Variants in ZC3H14 observed in about 807,000 individuals in gnomAD.
The protein encoded by ZC3H14 is zinc finger CCCH domain-containing protein 14.
Under a neutral mutation model 92.4 loss-of-function variants are expected in ZC3H14, and 31 were observed. The ratio of observed to expected loss-of-function variants is 0.34; its 90% CI spans 0.25 to 0.45. ZC3H14 has a LOEUF of 0.45. ZC3H14 is among the 20% of genes least tolerant of loss of function. The probability of loss-of-function intolerance (pLI) is 1.00; values close to 1 mark genes in which losing one functional copy is unlikely to be tolerated. For synonymous variants in ZC3H14, 321 were observed against 300.9 expected (o/e 1.07, Z -0.69); for missense variants, 781 against 897.3 (o/e 0.87, Z 1.66).
chr14:88,584,276 T>C (rs2082237356), intron 9 of ZC3H14, among the ~76,000 whole-genome samples: 1 of 152,164 alleles, frequency 6.6e-6, no homozygotes, highest in South Asian at 2.1e-4. Flanking sequence ...ATAAATATAT[T>C]GGAAATATTT....
In ZC3H14 at chr14:88,624,643, C is replaced by A. The variant is rs2089635359; in HGVS notation, c.*12892C>A. 4.5e-6 allele frequency: 1 copy of A among 224,536 alleles called. No homozygotes were observed. Among genetic ancestry groups the A allele is most frequent in the Non-Finnish European group, 8.7e-6 (1 of 115,334 alleles). 13.9% of individuals were successfully genotyped at this position (224,536 alleles called of 1,614,324 possible). A position where few individuals can be genotyped will look rare whatever the true frequency, so the allele number is the denominator to read the frequency against. On this transcript the variant is annotated 3_prime_UTR_variant, in exon 17 of 17. Coordinates refer to ENST00000251038, the MANE Select transcript of ZC3H14 (RefSeq NM_024824.5). ...AGAGAGCAGGCAGTCAAAATACAACCCTGGCTCCAGATTCCCCCATGGGCC... is the reference window on the plus strand; with the variant it reads ...AGAGAGCAGGCAGTCAAAATACAACACTGGCTCCAGATTCCCCCATGGGCC...
chr14:88,580,241 G>A (rs1341174702), intron 9 of ZC3H14, among the ~76,000 whole-genome samples: 5 of 152,186 alleles, frequency 3.3e-5, no homozygotes, highest in Non-Finnish European at 7.4e-5. Flanking sequence ...GGAGGCTGAG[G>A]TTGCAGTGAG....
chr14:88,611,675 A>C, intron 16 of ZC3H14, 70 bp from the exon 17 acceptor site: 1 of 1,587,628 alleles, frequency 6.3e-7, no homozygotes, highest in Non-Finnish European at 8.6e-7. Flanking sequence ...TCAACTTTTT[A>C]AACTGAGATA....
At chr14:88,596,947 G>A in intron 10 of ZC3H14, 139 bp downstream of exon 10, 1 of 776,316 alleles carries the variant, frequency 1.3e-6, no homozygotes, top group Non-Finnish European at 2.2e-6. Context: ...ATATTTTAGG[G>A]CCAGGAGATA....
intron 3 of ZC3H14, among the ~76,000 whole-genome samples, chr14:88,569,440 C>T (rs1341764243): frequency 6.6e-6 from 1 of 152,094 alleles, no homozygotes; most frequent in Non-Finnish European, 1.5e-5. Context: ...TGCTTTTATA[C>T]ATAAATTACT....
At chr14:88,595,084 A>C (rs758807701) in intron 9 of ZC3H14, 1 of 1,612,486 alleles carries the variant, frequency 6.2e-7, no homozygotes, top group Non-Finnish European at 8.5e-7. Flanking sequence ...TGTAAAAATA[A>C]TCGGCTTCCT....
Position 88,623,570 on chromosome 14 carries a change from T to G in ZC3H14, c.*11819T>G, listed in dbSNP as rs1444723399. The G allele has an allele frequency of 6.6e-6, 1 of 151,888 alleles. No homozygotes were observed. Among genetic ancestry groups the G allele is most frequent in the African/African-American group, 2.4e-5 (1 of 41,298 alleles). 9.4% of individuals were successfully genotyped at this position (151,888 alleles called of 1,614,324 possible). On this transcript the variant is annotated 3_prime_UTR_variant, in exon 17 of 17. Transcript: ENST00000251038. The stretch of plus-strand genomic sequence containing the variant: ...CAAGTAGCTGGGATTACAGGCACCA[T>G]GCCTGGCTAATTTTTGTATTTTTAG...
intron 13 of ZC3H14, among the ~76,000 whole-genome samples, 181 bp downstream of exon 13, chr14:88,607,544 TTCACCCTGCAAGTACCATCCCCCATC>T (rs1566979123): frequency 4.2e-5 from 4 of 95,954 alleles, no homozygotes; most frequent in East Asian, 7.6e-4. Context: ...ACCATCCCAT[TTCACCCTGCAAGTACCATCCCCCATC>T]TCACCCTGCA....
rs1347058479 is a variant in ZC3H14 at position 88,578,023 on chromosome 14, C to G, written c.1162C>G (p.Arg388Gly). 6.2e-7 allele frequency: 1 copy of G among 1,614,088 alleles called. No homozygotes were observed. The highest frequency in any genetic ancestry group is 8.5e-7 in the Non-Finnish European group (1 of 1,180,022). ...KQTLPVAPRT[R>G]TSQEELLAEV... ...GACACTTCCAGTTGCTCCCAGAACT[C>G]GAACTTCTCAAGAAGAATTGCTAGC... The change falls in exon 9 of 17, where the codon CGA becomes GGA. Residue 388 changes from arginine to glycine, a missense_variant. Physicochemically the swap from Arg to Gly is moderately radical, Grantham distance 125. Transcript: ENST00000251038.
intron 9 of ZC3H14, chr14:88,595,021 A>C (rs757433002): frequency 6.2e-6 from 10 of 1,613,642 alleles, no homozygotes; most frequent in Non-Finnish European, 8.5e-6. Context: ...TGAATGCAAC[A>C]GACAGTTTGA....
chr14:88,570,142 T>C (rs2080206814), intron 3 of ZC3H14, among the ~76,000 whole-genome samples: 1 of 152,194 alleles, frequency 6.6e-6, no homozygotes, highest in Admixed American at 6.5e-5. Flanking sequence ...ATAAATTGAG[T>C]TCTTTAACAT....
In ZC3H14 at chr14:88,588,448, C is replaced by T. The variant is rs2082715419; in HGVS notation, c.1280-8286C>T. Among the ~76,000 whole-genome samples, 2 of 152,174 alleles carry T rather than the reference C, an allele frequency of 1.3e-5. 1 individual carries two copies. Among genetic ancestry groups the T allele is most frequent in the South Asian group, 4.1e-4 (2 of 4,834 alleles). On this transcript the variant is annotated intron_variant, in intron 9 of 16. Transcript: ENST00000251038. ...CAGAATTATAGGTTGAAGTCATTTTCTTCAGAACTTTGAAGGCATAGTTTC... is the reference window on the plus strand; with the variant it reads ...CAGAATTATAGGTTGAAGTCATTTTTTTCAGAACTTTGAAGGCATAGTTTC...
rs952319508 is a variant in ZC3H14 at position 88,614,232 on chromosome 14, A to T, written c.*2481A>T. ...TTTTCCTCCTTTAATTTATTGACTGACTGTAAATACATGAGTAGAAACTTA... is the reference window on the plus strand; with the variant it reads ...TTTTCCTCCTTTAATTTATTGACTGTCTGTAAATACATGAGTAGAAACTTA... On this transcript the variant is annotated 3_prime_UTR_variant, in exon 17 of 17. Transcript: ENST00000251038. The T allele has an allele frequency of 6.6e-6, 1 of 152,186 alleles. No homozygotes were observed. The highest frequency in any genetic ancestry group is 2.4e-5 in the African/African-American group (1 of 41,434). 9.4% of individuals were successfully genotyped at this position (152,186 alleles called of 1,614,324 possible).
intron 8 of ZC3H14, among the ~76,000 whole-genome samples, chr14:88,576,659 A>C (rs544053842): frequency 2.6e-4 from 39 of 152,238 alleles, no homozygotes; most frequent in Non-Finnish European, 4.7e-4. Context: ...GTAATGAGCT[A>C]CTCTAAAAAG....
chr14:88,575,263 A>G (rs1404859519), intron 7 of ZC3H14, among the ~76,000 whole-genome samples: 1 of 152,230 alleles, frequency 6.6e-6, no homozygotes, highest in Non-Finnish European at 1.5e-5. Context: ...ATACCGTGTA[A>G]GACTTTTCCA....
chr14:88,563,417 A>G, intron 1 of ZC3H14: 1 of 1,426,280 alleles, frequency 7.0e-7, no homozygotes. Flanking sequence ...TGGAGCCACC[A>G]CCGCGGCGCA....
Position 88,626,794 on chromosome 14 carries a change from G to A in ZC3H14, c.*15043G>A, listed in dbSNP as rs559380252. 23 of 1,593,808 alleles carry A rather than the reference G, an allele frequency of 1.4e-5. No individual in the cohort carries two copies. In the African/African-American group the frequency reaches 2.3e-4, roughly 16 times the overall value. The stretch of plus-strand genomic sequence containing the variant: ...GGCTGATGATCTAAGGCAAGAGAAT[G>A]TAAAGTAGTCAAAGTCACACTATGT... On this transcript the variant is annotated 3_prime_UTR_variant, in exon 17 of 17. Transcript: ENST00000251038.
chr14:88,587,991 G>C (rs571217623), intron 9 of ZC3H14, among the ~76,000 whole-genome samples: 4 of 152,098 alleles, frequency 2.6e-5, no homozygotes, highest in Non-Finnish European at 5.9e-5. Flanking sequence ...TTTACATTCT[G>C]TTTCTTGTAC....
chr14:88,610,482 G>T lies in ZC3H14; in HGVS notation c.2098-352G>T, dbSNP rs1372598494. Among the ~76,000 whole-genome samples the T allele has an allele frequency of 3.9e-5, 6 of 152,086 alleles. No homozygotes were observed. The East Asian group carries it at 1.2e-3, about 29-fold the overall frequency. ...GATGGAATCTCTTACTCTGTTAATG[G>T]TTAGGGTGGGCTGGTTATTGTCTCC... On this transcript the variant is annotated intron_variant, in intron 15 of 16. Transcript: ENST00000251038.
Sources: gnomAD v4.1 joint callset for allele counts (sites outside exome capture counted in the v4.1 genomes callset) on GRCh38, gnomAD v4.1.1 for gene constraint, MANE v1.5 for transcripts, NCBI Gene and HGNC (gene_info 2026-07-23, HGNC 2026-07-21) for gene names.